Variants in GBE1 observed in about 807,000 individuals in gnomAD.
GBE1 encodes the protein 1,4-alpha-glucan branching enzyme 1, also known as 1,4-alpha-glucan-branching enzyme.
A neutral mutation model predicts 88.8 loss-of-function variants in GBE1; 70 were observed. The ratio of observed to expected loss-of-function variants is 0.79; its 90% CI spans 0.65 to 0.96. GBE1 has a LOEUF of 0.96. GBE1 is among the 40% of genes least tolerant of loss of function. The pLI is 0.00. For synonymous variants in GBE1, 284 were observed against 300.1 expected (o/e 0.95, Z 0.56); for missense variants, 872 against 871.0 (o/e 1.00, Z -0.01).
intron 2 of GBE1, among the ~76,000 whole-genome samples, chr3:81,689,437 C>A (rs1219661129): frequency 6.6e-6 from 1 of 152,144 alleles, no homozygotes; most frequent in African/African-American, 2.4e-5. Context: ...AACATTTAAT[C>A]CACCAACAAT....
chr3:81,547,167 G>C (rs1407018773), intron 12 of GBE1, among the ~76,000 whole-genome samples: 1 of 151,388 alleles, frequency 6.6e-6, no homozygotes. Flanking sequence ...CCCAATTTAA[G>C]GGAGGCAGAG....
rs1454423271 is a variant in GBE1 at position 81,647,007 on chromosome 3, A to G, written c.692-525T>C. On this transcript the variant is annotated intron_variant, in intron 5 of 15. Coordinates refer to ENST00000429644, the MANE Select transcript of GBE1 (RefSeq NM_000158.4). The stretch of plus-strand genomic sequence containing the variant: ...AGTCTCGCTCTGTTGCCCAGGCTGC[A>G]GTGCAGTGGCTTGATCTCAGCTCAC... Among the ~76,000 whole-genome samples the G allele has an allele frequency of 7.7e-5, 11 of 143,400 alleles. No homozygotes were observed. The East Asian group carries it at 1.8e-3, about 24-fold the overall frequency. 94.1% of individuals were successfully genotyped at this position (143,400 alleles called of 152,430 possible).
At chr3:81,720,772 T>C (rs1205376247) in intron 1 of GBE1, among the ~76,000 whole-genome samples, 1 of 151,532 alleles carries the variant, frequency 6.6e-6, no homozygotes, top group Admixed American at 6.6e-5. Flanking sequence ...TGCGGCACTA[T>C]TCACAATAGC....
At chr3:81,513,716 C>A (rs1333507013) in intron 14 of GBE1, among the ~76,000 whole-genome samples, 1 of 151,570 alleles carries the variant, frequency 6.6e-6, no homozygotes, top group Non-Finnish European at 1.5e-5. Flanking sequence ...TAAGGATGTC[C>A]ATTACCCTTA....
At chr3:81,698,199 A>G (rs1178866770) in intron 2 of GBE1, among the ~76,000 whole-genome samples, 1 of 151,822 alleles carries the variant, frequency 6.6e-6, no homozygotes, top group African/African-American at 2.4e-5. Flanking sequence ...ATCCAGCACA[A>G]TTGGGGCCAA....
chr3:81,731,746 C>T (rs774020269), intron 1 of GBE1, among the ~76,000 whole-genome samples: 3 of 152,072 alleles, frequency 2.0e-5, no homozygotes, highest in Non-Finnish European at 4.4e-5. Context: ...AACCATGTAA[C>T]ACATGCCTCC....
intron 12 of GBE1, among the ~76,000 whole-genome samples, chr3:81,555,455 G>T (rs1013549041): frequency 6.6e-6 from 1 of 152,154 alleles, no homozygotes; most frequent in African/African-American, 2.4e-5. Context: ...AAAGAACACA[G>T]ACGTGAAGCA....
chr3:81,525,130 T>C (rs1702926502), intron 14 of GBE1, among the ~76,000 whole-genome samples: 1 of 151,872 alleles, frequency 6.6e-6, no homozygotes, highest in Non-Finnish European at 1.5e-5. Flanking sequence ...AGATGCTTGA[T>C]ATTATTTCAA....
intron 12 of GBE1, among the ~76,000 whole-genome samples, chr3:81,563,376 T>C (rs958780938): frequency 6.6e-6 from 1 of 152,086 alleles, no homozygotes; most frequent in African/African-American, 2.4e-5. Flanking sequence ...AGAAAACCCA[T>C]ACCATGGTAC....
rs1260211717 is a variant in GBE1, at chr3:81,750,678, T to C, written c.143+10697A>G. On this transcript the variant is annotated intron_variant, in intron 1 of 15. Transcript: ENST00000429644. Reference sequence around the variant, plus strand: ...ATATATGTATATATATATATACGTATATATATATATATATATGTATTTTTT... The same window carrying C: ...ATATATGTATATATATATATACGTACATATATATATATATATGTATTTTTT... Among the ~76,000 whole-genome samples the C allele has an allele frequency of 8.4e-5, 7 of 83,470 alleles. 1 individual carries two copies. The Admixed American group carries it at 9.2e-4, about 11-fold the overall frequency. 54.8% of individuals were successfully genotyped at this position (83,470 alleles called of 152,430 possible). A position where few individuals can be genotyped will look rare whatever the true frequency, so the allele number is the denominator to read the frequency against.
intron 12 of GBE1, among the ~76,000 whole-genome samples, chr3:81,538,252 C>G (rs1703100898): frequency 6.6e-6 from 1 of 151,878 alleles, no homozygotes; most frequent in Non-Finnish European, 1.5e-5. Flanking sequence ...TAAATAAAAA[C>G]TAATAAGCTA....
rs972854992 is a variant in GBE1 at position 81,490,020 on chromosome 3, C to A, written c.*387G>T. 2.9e-5 allele frequency: 5 copies of A among 170,146 alleles called. No individual in the cohort carries two copies. Among genetic ancestry groups the A allele is most frequent in the African/African-American group, 1.2e-4 (5 of 41,722 alleles). 10.5% of individuals were successfully genotyped at this position (170,146 alleles called of 1,614,324 possible). On this transcript the variant is annotated 3_prime_UTR_variant, in exon 16 of 16. Transcript: ENST00000429644. ...AAAGATATCAGAACAAATAGAGCCA[C>A]CAAATATCCATCTTAAATACTGTGT...
At chr3:81,729,272 G>A (rs1040646651) in intron 1 of GBE1, among the ~76,000 whole-genome samples, 4 of 152,018 alleles carry the variant, frequency 2.6e-5, no homozygotes, top group Non-Finnish European at 4.4e-5. Flanking sequence ...TACTGTTTCC[G>A]CCTCTCCCTT....
intron 15 of GBE1, among the ~76,000 whole-genome samples, chr3:81,492,683 C>CCTTTCTCT (rs2106800123): frequency 7.0e-6 from 1 of 143,234 alleles, no homozygotes; most frequent in East Asian, 2.4e-4. Flanking sequence ...TCCCATTCTC[C>CCTTTCTCT]CTTTCTCCCT....
intron 7 of GBE1, among the ~76,000 whole-genome samples, chr3:81,627,781 T>TTTG (rs1704439794): frequency 4.0e-5 from 6 of 150,070 alleles, no homozygotes; most frequent in African/African-American, 7.3e-5. Context: ...AACATATATA[T>TTTG]TTGTTGTTGT....
At chr3:81,627,530 G>A (rs1704434836) in intron 7 of GBE1, among the ~76,000 whole-genome samples, 1 of 152,026 alleles carries the variant, frequency 6.6e-6, no homozygotes. Context: ...CACAGGGTGG[G>A]GAGTAAGAAA....
chr3:81,595,127 T>TAA (rs1177322179), intron 7 of GBE1, among the ~76,000 whole-genome samples: 2 of 136,150 alleles, frequency 1.5e-5, no homozygotes, highest in Admixed American at 7.4e-5. Flanking sequence ...TTTACTAAGT[T>TAA]AAAAAAAAAA....
At position 81,759,733 on chromosome 3, in the gene GBE1, T is replaced by A. The variant is rs1354541510; in HGVS notation, c.143+1642A>T. ...TTTATCTTGGCCTTTGTTCCCTTCA[T>A]TAGTTTTGGCAAACCATGAAAGAAG... is the stretch of plus-strand genomic sequence containing the variant. On this transcript the variant is annotated intron_variant, in intron 1 of 15. Coordinates refer to ENST00000429644, the MANE Select transcript of GBE1 (RefSeq NM_000158.4). 5.3e-5 allele frequency among the ~76,000 whole-genome samples: 8 copies of A among 152,270 alleles called. No homozygotes were observed. In the South Asian group the frequency reaches 1.5e-3, roughly 28 times the overall value.
chr3:81,515,655 T>C (rs936663709), intron 14 of GBE1, among the ~76,000 whole-genome samples: 1 of 151,650 alleles, frequency 6.6e-6, no homozygotes, highest in Non-Finnish European at 1.5e-5. Flanking sequence ...TGTTCAAAGT[T>C]GAGACAGGAC....
Sources: allele counts gnomAD v4.1 joint callset (sites outside exome capture counted in the v4.1 genomes callset), GRCh38; gene constraint gnomAD v4.1.1; transcripts MANE v1.5; gene names NCBI Gene and HGNC (gene_info 2026-07-23, HGNC 2026-07-21).